The following DNAH2 variants were observed in gnomAD, a reference collection of about 807,000 sequenced individuals.
The protein encoded by DNAH2 is dynein axonemal heavy chain 2.
DNAH2 carries 323 observed loss-of-function variants against 523.5 expected under a neutral mutation model. The observed-to-expected ratio is 0.62, with a 90% confidence interval of 0.56 to 0.68. The LOEUF is 0.68. DNAH2 is among the 30% of genes least tolerant of loss of function. DNAH2 has a pLI of 0.00. For synonymous variants in DNAH2, 2,093 were observed against 2,177.4 expected, an observed-to-expected ratio of 0.96 and a Z score of 1.08; for missense variants, 4,907 against 5,701.5, an observed-to-expected ratio of 0.86 and a Z score of 4.49.
In DNAH2 at chr17:7,818,980, A is replaced by G. The variant is rs1212594225; in HGVS notation, c.10732A>G (p.Thr3578Ala). ...DDVQLVNTLH[T>A]SKITATEVTE... is the part of the protein sequence containing the mutation. ...TGTGCAGCTGGTGAACACGCTGCATACCTCCAAGATCACAGCCACAGAGGT... is the reference window on the plus strand; with the variant it reads ...TGTGCAGCTGGTGAACACGCTGCATGCCTCCAAGATCACAGCCACAGAGGT... The change falls in exon 71 of 86, where the codon ACC becomes GCC. Residue 3578 changes from threonine (T) to alanine (A), a missense_variant. Transcript: ENST00000572933. 1 of 1,611,780 alleles carries G rather than the reference A, an allele frequency of 6.2e-7. No homozygotes were observed. The highest frequency in any genetic ancestry group is 8.5e-7 in the Non-Finnish European group (1 of 1,179,924).
At position 7,805,065 on chromosome 17, in the gene DNAH2, G is replaced by A. The variant is rs201843742; in HGVS notation, c.9291G>A (p.Glu3097=). 2.5e-6 allele frequency: 4 copies of A among 1,613,606 alleles called. No individual in the cohort carries two copies. In the Admixed American group the frequency reaches 6.7e-5, roughly 27 times the overall value. Residue 3097 remains glutamate, a synonymous_variant, in exon 60 of 86, where the codon GAG becomes GAA. Coordinates refer to ENST00000572933, the MANE Select transcript of DNAH2 (RefSeq NM_020877.5). ...AAGAGGCACTGCCCGCCCTGGAAGA[G>A]GCCATGCGGGTACCAGGGGCGGGTG... is the stretch of plus-strand genomic sequence containing the variant. ...DLEEALPALE[E]AMRALESLNK...
chr17:7,805,073 G>A lies in DNAH2; in HGVS notation c.9299G>A (p.Arg3100Gln), dbSNP rs537296423. 11 of 1,612,980 alleles carry A rather than the reference G, an allele frequency of 6.8e-6. No homozygotes were observed. The highest frequency in any genetic ancestry group is 2.7e-5 in the African/African-American group (2 of 74,904). The change falls in exon 60 of 86, where the codon CGG becomes CAG. Residue 3100 changes from arginine (R) to glutamine (Q), a missense_variant and splice_region_variant. Around this residue, in one of 3 missense-constraint regions of DNAH2, gnomAD observed 1,851 missense variants for 2,139.4 expected, o/e 0.87. Transcript: ENST00000572933. ...EALPALEEAM[R>Q]ALESLNKKDI... Reference sequence around the variant, plus strand: ...CTGCCCGCCCTGGAAGAGGCCATGCGGGTACCAGGGGCGGGTGCAAGGATG... The same window carrying A: ...CTGCCCGCCCTGGAAGAGGCCATGCAGGTACCAGGGGCGGGTGCAAGGATG...
At chr17:7,817,466 G>A (rs1045050274) in intron 65 of DNAH2, 51 bp downstream of exon 65, 3 of 1,613,202 alleles carry the variant, frequency 1.9e-6, no homozygotes, top group Admixed American at 1.7e-5. Context: ...AGGGCTGGGG[G>A]CAGGACCTTT....
intron 49 of DNAH2, among the ~76,000 whole-genome samples, chr17:7,796,152 G>A (rs2151283125): frequency 6.8e-6 from 1 of 147,148 alleles, no homozygotes; most frequent in Non-Finnish European, 1.5e-5. Context: ...GGGGTCAAGT[G>A]ATTCTCCTGC....
At chr17:7,723,909 C>G (rs1343786318) in intron 3 of DNAH2, among the ~76,000 whole-genome samples, 1 of 152,078 alleles carries the variant, frequency 6.6e-6, no homozygotes, top group Admixed American at 6.5e-5. Context: ...AGGCGCAGGT[C>G]TCTCTTGTCT....
At chr17:7,752,180 C>CACAA (rs1203329736) in intron 12 of DNAH2, among the ~76,000 whole-genome samples, 6 of 151,632 alleles carry the variant, frequency 4.0e-5, no homozygotes, top group Non-Finnish European at 8.8e-5. Flanking sequence ...CACACACACA[C>CACAA]ACACACACAC....
intron 44 of DNAH2, among the ~76,000 whole-genome samples, chr17:7,788,883 G>A (rs2076818732): frequency 6.6e-6 from 1 of 152,134 alleles, no homozygotes; most frequent in South Asian, 2.1e-4. Context: ...ATGTAGATGG[G>A]GCTGGGCACG....
chr17:7,744,361 G>C (rs991425179), intron 12 of DNAH2, among the ~76,000 whole-genome samples: 7 of 151,798 alleles, frequency 4.6e-5, no homozygotes, highest in Non-Finnish European at 7.4e-5. Flanking sequence ...CCAGAGAAGT[G>C]CTGTGTGGAG....
At chr17:7,770,221 T>G in intron 24 of DNAH2, 31 bp from the exon 25 acceptor site, 1 of 1,564,336 alleles carries the variant, frequency 6.4e-7, no homozygotes. Flanking sequence ...GTAACTCTCC[T>G]GACCTCACAC....
chr17:7,831,348 A>G lies in DNAH2; in HGVS notation c.12459+34A>G, dbSNP rs780684383. 1.2e-6 allele frequency: 2 copies of G among 1,613,944 alleles called. No homozygotes were observed. Among genetic ancestry groups the G allele is most frequent in the South Asian group, 2.2e-5 (2 of 91,076 alleles). On this transcript the variant is annotated intron_variant, in intron 80 of 85. Coordinates refer to ENST00000572933, the MANE Select transcript of DNAH2 (RefSeq NM_020877.5). The surrounding 1 kb of genome is among the most constrained non-coding windows in gnomAD (Gnocchi z 4.2). ...AGCCGGGCCTGGGGGAGGGAAAGTG[A>G]TGAGAAGAGGGGGCTACACTCAAGA...
intron 21 of DNAH2, among the ~76,000 whole-genome samples, chr17:7,765,841 G>T (rs527967007): frequency 2.6e-5 from 4 of 151,498 alleles, no homozygotes; most frequent in Non-Finnish European, 5.9e-5. Flanking sequence ...GCAGTGGCTC[G>T]ATCTCAGCTC....
chr17:7,723,753 T>C (rs929250386), intron 3 of DNAH2, 64 bp downstream of exon 3: 79 of 1,401,090 alleles, frequency 5.6e-5, no homozygotes, highest in South Asian at 4.1e-4. Context: ...AAAGGATCAG[T>C]TGTGGATGGC....
At chr17:7,721,641 T>G (rs2074612155) in intron 2 of DNAH2, among the ~76,000 whole-genome samples, 1 of 152,232 alleles carries the variant, frequency 6.6e-6, no homozygotes, top group Non-Finnish European at 1.5e-5. Context: ...TTTTCCTTTC[T>G]GGAAGCCAGA....
At position 7,763,816 on chromosome 17, in the gene DNAH2, C is replaced by G. The variant is rs755433976; in HGVS notation, c.2979-15C>G. On this transcript the variant is annotated splice_polypyrimidine_tract_variant and intron_variant, in intron 18 of 85. Coordinates refer to ENST00000572933, the MANE Select transcript of DNAH2 (RefSeq NM_020877.5). ...AAGAAAACAACATCCTAGCTGGGAT[C>G]TGGGGCTCTTGCAGCTACACGGAAG... 7 of 1,613,736 alleles carry G rather than the reference C, an allele frequency of 4.3e-6. No homozygotes were observed. The highest frequency in any genetic ancestry group is 2.7e-5 in the African/African-American group (2 of 75,036).
rs1269566211 is a variant in DNAH2 at position 7,831,110 on chromosome 17, C to T, written c.12255C>T (p.Phe4085=). 6 of 1,613,802 alleles carry T rather than the reference C, an allele frequency of 3.7e-6. No homozygotes were observed. Among genetic ancestry groups the T allele is most frequent in the East Asian group, 2.2e-5 (1 of 44,884 alleles). The change falls in exon 80 of 86, where the codon TTC becomes TTT. Residue 4085 remains phenylalanine, a synonymous_variant. Coordinates refer to ENST00000572933, the MANE Select transcript of DNAH2 (RefSeq NM_020877.5). The surrounding 1 kb of genome is among the most constrained non-coding windows in gnomAD (Gnocchi z 4.2). ...FHRLSALETY[F]IPKDGSLASY... is the part of the protein sequence containing the mutation. ...GGTTGTCAGCACTGGAGACTTATTT[C>T]ATCCCCAAGGATGGCAGCCTCGCTT...
chr17:7,787,061 C>T (rs1195202643), intron 42 of DNAH2, 28 bp downstream of exon 42: 3 of 1,611,866 alleles, frequency 1.9e-6, no homozygotes, highest in East Asian at 2.2e-5. Flanking sequence ...CTCCTGGAGG[C>T]CTGCAGAGGC....
In DNAH2 at chr17:7,787,595, G is replaced by T. The variant is rs548912890; in HGVS notation, c.6604-265G>T. Reference sequence around the variant, plus strand: ...ACTAAAAAATACAAAAGTTAGCTGGGTGTGGTGTTGTGCACCTGTAGTCCC... The same window carrying T: ...ACTAAAAAATACAAAAGTTAGCTGGTTGTGGTGTTGTGCACCTGTAGTCCC... On this transcript the variant is annotated intron_variant, in intron 42 of 85. Coordinates refer to ENST00000572933, the MANE Select transcript of DNAH2 (RefSeq NM_020877.5). 21 of 367,930 alleles carry T rather than the reference G, an allele frequency of 5.7e-5. No individual in the cohort carries two copies. In the South Asian group the frequency reaches 7.5e-4, roughly 13 times the overall value. The allele number at this position is 367,930 out of a possible 1,614,324, so 22.8% of individuals were successfully genotyped here.
At chr17:7,787,591 C>A in intron 42 of DNAH2, 1 of 343,026 alleles carries the variant, frequency 2.9e-6, no homozygotes, top group South Asian at 4.3e-5. Context: ...CAAAAGTTAG[C>A]TGGGTGTGGT....
intron 20 of DNAH2, among the ~76,000 whole-genome samples, 198 bp from the exon 21 acceptor site, chr17:7,765,193 C>T (rs898103415): frequency 1.3e-5 from 2 of 151,990 alleles, no homozygotes; most frequent in African/African-American, 4.8e-5. Context: ...GGGCAGACCT[C>T]CTGCTCCTGG....
Sources: allele counts gnomAD v4.1 joint callset (sites outside exome capture counted in the v4.1 genomes callset), GRCh38; gene constraint gnomAD v4.1.1; regional missense constraint gnomAD v4.1.1; non-coding constraint Gnocchi (gnomAD v3.1); transcripts MANE v1.5; gene names NCBI Gene and HGNC (gene_info 2026-07-23, HGNC 2026-07-21).